Variants in VANGL1 observed in about 807,000 individuals in gnomAD.
VANGL1 encodes the protein VANGL planar cell polarity protein 1.
In VANGL1, 18 loss-of-function variants were observed where a neutral mutation model predicts 48.4. The observed-to-expected ratio is 0.37, with a 90% confidence interval of 0.26 to 0.55. The LOEUF is 0.55. VANGL1 is among the 20% of genes least tolerant of loss of function. The probability of loss-of-function intolerance (pLI) is 0.81; values close to 1 mark genes in which losing one functional copy is unlikely to be tolerated. For missense variants in VANGL1, 667 were observed against 675.8 expected (o/e 0.99, Z 0.14); for synonymous variants, 257 against 261.8 (o/e 0.98, Z 0.18).
At chr1:115,646,447 C>T (rs982886842) in intron 1 of VANGL1, among the ~76,000 whole-genome samples, 2 of 149,872 alleles carry the variant, frequency 1.3e-5, no homozygotes, top group Admixed American at 6.6e-5. Flanking sequence ...GTCTGGCATA[C>T]GAACTCTGCC....
At chr1:115,659,899 G>A in intron 3 of VANGL1, 126 bp downstream of exon 3, 2 of 1,312,622 alleles carry the variant, frequency 1.5e-6, no homozygotes, top group Admixed American at 1.9e-5. Context: ...GTTTATCTAT[G>A]TCCCATGGTC....
rs549124134 is a variant in VANGL1 at position 115,688,858 on chromosome 1, C to T, written c.1315-2261C>T. ...AGGATGGAGTGCAGTGGCACGATCT[C>T]GGCTCACTGCAAACTCCACCTCCCG... On this transcript the variant is annotated intron_variant, in intron 7 of 7. Transcript: ENST00000355485. Among the ~76,000 whole-genome samples, 51 of 132,592 alleles carry T rather than the reference C, an allele frequency of 3.8e-4. 9 individuals carry two copies. The highest frequency in any genetic ancestry group is 1.4e-3 in the African/African-American group (50 of 34,910). 87.0% of individuals were successfully genotyped at this position (132,592 alleles called of 152,430 possible). A position where few individuals can be genotyped will look rare whatever the true frequency, so the allele number is the denominator to read the frequency against.
Position 115,685,520 on chromosome 1 carries a change from C to A in VANGL1, c.1307C>A (p.Thr436Asn). The change falls in exon 7 of 8, where the codon ACC (threonine) becomes AAC (asparagine). Residue 436 changes from threonine to asparagine, a missense_variant. Transcript: ENST00000355485. ...GCCTTCTGCATCACCAACGGCATGA[C>A]CCCCAAGGTGCGCTGCTCCGGGCGG... Reference protein sequence around the residue: ...HLAFCITNGMTPKAFLERYLS... With the variant: ...HLAFCITNGMNPKAFLERYLS... The A allele has an allele frequency of 6.2e-7, 1 of 1,614,000 alleles. No homozygotes were observed. Among genetic ancestry groups the A allele is most frequent in the Non-Finnish European group, 8.5e-7 (1 of 1,179,996 alleles).
chr1:115,653,274 C>A (rs550939322), intron 2 of VANGL1, among the ~76,000 whole-genome samples: 66 of 152,292 alleles, frequency 4.3e-4, no homozygotes, highest in African/African-American at 1.5e-3. Flanking sequence ...GGGGCAGGTG[C>A]TGCTGGACGG....
chr1:115,676,742 G>A (rs1031462237), intron 4 of VANGL1, among the ~76,000 whole-genome samples: 3 of 152,216 alleles, frequency 2.0e-5, no homozygotes, highest in South Asian at 2.1e-4. Context: ...GCCTTAGGGC[G>A]ATGCCGACCT....
intron 3 of VANGL1, among the ~76,000 whole-genome samples, chr1:115,661,606 G>T (rs1188435776): frequency 3.3e-5 from 5 of 151,596 alleles, no homozygotes; most frequent in African/African-American, 1.2e-4. Flanking sequence ...GGACATTTGG[G>T]TTTTTTTTGT....
chr1:115,676,707 T>C lies in VANGL1; in HGVS notation c.813-5657T>C, dbSNP rs186572448. ...TAGAACTTGGAATCATCCCAATGGATATTTAAGCTCATGAGACTTAACCTG... is the reference window on the plus strand; with the variant it reads ...TAGAACTTGGAATCATCCCAATGGACATTTAAGCTCATGAGACTTAACCTG... On this transcript the variant is annotated intron_variant, in intron 4 of 7. Coordinates refer to ENST00000355485, the MANE Select transcript of VANGL1 (RefSeq NM_138959.3). Among the ~76,000 whole-genome samples the C allele has an allele frequency of 4.6e-5, 7 of 152,312 alleles. No homozygotes were observed. The East Asian group carries it at 1.4e-3, about 29-fold the overall frequency.
intron 3 of VANGL1, among the ~76,000 whole-genome samples, chr1:115,662,165 AT>A (rs1163743519): frequency 1.3e-5 from 2 of 152,106 alleles, no homozygotes; most frequent in Admixed American, 6.6e-5. Context: ...AGTTTATGGG[AT>A]TGAGACCTTC....
chr1:115,663,443 T>C (rs1226261588), intron 3 of VANGL1, among the ~76,000 whole-genome samples: 1 of 152,254 alleles, frequency 6.6e-6, no homozygotes, highest in Non-Finnish European at 1.5e-5. Flanking sequence ...CATTATGTTT[T>C]CTCTGTTTGA....
chr1:115,685,087 C>T (rs60193139), intron 6 of VANGL1, among the ~76,000 whole-genome samples: 3,425 of 152,314 alleles, frequency 0.022, 132 homozygotes, highest in African/African-American at 0.077. Context: ...CCTGGGGCCC[C>T]TGTTCCACAT....
intron 4 of VANGL1, among the ~76,000 whole-genome samples, chr1:115,670,515 T>C (rs1460090318): frequency 6.6e-6 from 1 of 152,212 alleles, no homozygotes; most frequent in Non-Finnish European, 1.5e-5. Flanking sequence ...CTCCAGTAAT[T>C]CCAGGATATT....
At chr1:115,656,825 G>A (rs769325789) in intron 2 of VANGL1, among the ~76,000 whole-genome samples, 15 of 152,216 alleles carry the variant, frequency 9.9e-5, no homozygotes, top group Non-Finnish European at 1.8e-4. Context: ...CCGGGAATTG[G>A]CACTCAGTGA....
intron 2 of VANGL1, among the ~76,000 whole-genome samples, chr1:115,651,761 CTT>C (rs112781746): frequency 4.8e-5 from 7 of 145,934 alleles, no homozygotes; most frequent in African/African-American, 7.5e-5. Flanking sequence ...CTAGGTATTT[CTT>C]TTTTTTTTTT....
At position 115,644,676 on chromosome 1, in the gene VANGL1, CT is replaced by C. The variant is rs140016280; in HGVS notation, c.-138+2591del. ...CATCAGATTTACAGAGGAGATAGTACTCATGAGATCTATTTTTCTGAAGTTT... is the reference window on the plus strand; with the variant it reads ...CATCAGATTTACAGAGGAGATAGTACCATGAGATCTATTTTTCTGAAGTTT... On this transcript the variant is annotated intron_variant, in intron 1 of 7. Transcript: ENST00000355485. Among the ~76,000 whole-genome samples, 751 of 152,292 alleles carry C rather than the reference CT, an allele frequency of 4.9e-3. 1 individual carries two copies. Among genetic ancestry groups the C allele is most frequent in the African/African-American group, 0.017 (710 of 41,556 alleles).
intron 4 of VANGL1, among the ~76,000 whole-genome samples, chr1:115,674,845 G>A (rs1653106273): frequency 6.6e-6 from 1 of 152,078 alleles, no homozygotes; most frequent in Non-Finnish European, 1.5e-5. Flanking sequence ...TGTTAATTTC[G>A]GATTTTAATA....
chr1:115,685,316 C>A lies in VANGL1; in HGVS notation c.1103C>A (p.Ala368Asp). The change falls in exon 7 of 8, where the codon GCC becomes GAC. Residue 368 changes from alanine to aspartate, a missense_variant. By Grantham distance (126) the Ala-to-Asp change is moderately radical. Coordinates refer to ENST00000355485, the MANE Select transcript of VANGL1 (RefSeq NM_138959.3). ...KARLVVAVEE[A>D]FIHIQRLQAE... ...AGGCTGGTGGTTGCAGTGGAAGAGGCCTTCATCCACATTCAGCGTCTCCAG... is the reference window on the plus strand; with the variant it reads ...AGGCTGGTGGTTGCAGTGGAAGAGGACTTCATCCACATTCAGCGTCTCCAG... The A allele has an allele frequency of 1.9e-6, 3 of 1,614,114 alleles. No homozygotes were observed. The highest frequency in any genetic ancestry group is 2.5e-6 in the Non-Finnish European group (3 of 1,180,016).
chr1:115,696,909 C>A lies in VANGL1; in HGVS notation c.*5530C>A, dbSNP rs1654052057. On this transcript the variant is annotated 3_prime_UTR_variant, in exon 8 of 8. Transcript: ENST00000355485. ...AAGCTTTGGGGACAAAGGTGACAAACCCCAGGCTTTTATCTTAAAAGTGTC... is the reference window on the plus strand; with the variant it reads ...AAGCTTTGGGGACAAAGGTGACAAAACCCAGGCTTTTATCTTAAAAGTGTC... 1 of 152,204 alleles carries A rather than the reference C, an allele frequency of 6.6e-6. No homozygotes were observed. Among genetic ancestry groups the A allele is most frequent in the African/African-American group, 2.4e-5 (1 of 41,454 alleles). The allele number at this position is 152,204 out of a possible 1,614,324, so 9.4% of individuals were successfully genotyped here.
intron 4 of VANGL1, among the ~76,000 whole-genome samples, chr1:115,665,727 C>G (rs1406144090): frequency 6.6e-6 from 1 of 152,224 alleles, no homozygotes; most frequent in Non-Finnish European, 1.5e-5. Flanking sequence ...TTCACAGATG[C>G]CTGTAGGGCT....
intron 4 of VANGL1, among the ~76,000 whole-genome samples, chr1:115,671,956 G>A (rs896885893): frequency 6.6e-6 from 1 of 152,168 alleles, no homozygotes; most frequent in African/African-American, 2.4e-5. Context: ...ACTGGGTCGT[G>A]GTGTTAAGCC....
Sources: gnomAD v4.1 joint callset for allele counts (sites outside exome capture counted in the v4.1 genomes callset) on GRCh38, gnomAD v4.1.1 for gene constraint, MANE v1.5 for transcripts, NCBI Gene and HGNC (gene_info 2026-07-23, HGNC 2026-07-21) for gene names.